NTAQ1: variants seen among roughly 807,000 people sequenced by gnomAD.
The protein encoded by NTAQ1 is protein N-terminal glutamine amidohydrolase.
NTAQ1 carries 21 observed loss-of-function variants against 28.2 expected under a neutral mutation model. The observed-to-expected ratio is 0.74, with a 90% CI of 0.53 to 1.07. The LOEUF (loss-of-function observed/expected upper bound fraction) is 1.07. Among genes scored for constraint, NTAQ1 ranks in the 50% least tolerant of loss-of-function variants. The pLI is 0.00. For synonymous variants in NTAQ1, 105 were observed against 90.0 expected, an observed-to-expected ratio of 1.17 and a Z score of -0.94; for missense variants, 264 against 256.6, an observed-to-expected ratio of 1.03 and a Z score of -0.20.
At chr8:123,464,917 A>G (rs1815925483) in intron 6 of NTAQ1, among the ~76,000 whole-genome samples, 1 of 152,176 alleles carries the variant, frequency 6.6e-6, no homozygotes, top group African/African-American at 2.4e-5. Context: ...ATGCGCCTGT[A>G]ATCCTAGCTA....
At chr8:123,440,963 C>T (rs13265652) in intron 5 of NTAQ1, among the ~76,000 whole-genome samples, 55,131 of 151,986 alleles carry the variant, frequency 0.36, 10,123 homozygotes, top group East Asian at 0.56. Context: ...TTAGACCCAC[C>T]GCTTCTTGGT....
downstream of NTAQ1, among the ~76,000 whole-genome samples, chr8:123,472,791 CTTTTTCTGTGG>C: frequency 6.6e-6 from 1 of 152,174 alleles, no homozygotes; most frequent in Non-Finnish European, 1.5e-5. Context: ...TACTAAAACT[CTTTTTCTGTGG>C]AAGAGAAAGA....
chr8:123,424,704 C>G (rs938327956), intron 1 of NTAQ1, among the ~76,000 whole-genome samples: 4 of 152,140 alleles, frequency 2.6e-5, no homozygotes, highest in African/African-American at 9.7e-5. Flanking sequence ...CTCGCCTGGC[C>G]CCTTTGTATT....
At chr8:123,451,389 G>T (rs1357443768), downstream of NTAQ1, among the ~76,000 whole-genome samples, 1 of 151,872 alleles carries the variant, frequency 6.6e-6, no homozygotes, top group Non-Finnish European at 1.5e-5. Flanking sequence ...CCCAGGCTGG[G>T]GTGCAGTGGC....
At chr8:123,432,416 G>C (rs930419260) in intron 3 of NTAQ1, among the ~76,000 whole-genome samples, 1 of 152,042 alleles carries the variant, frequency 6.6e-6, no homozygotes, top group Non-Finnish European at 1.5e-5. Context: ...GAGGCAGGCA[G>C]ATCCCATGAG....
At chr8:123,453,835 A>G (rs980210190) in intron 6 of NTAQ1, among the ~76,000 whole-genome samples, 11 of 152,212 alleles carry the variant, frequency 7.2e-5, no homozygotes, top group African/African-American at 1.9e-4. Context: ...ACGTAGGCAC[A>G]GTAAAGTAAA....
downstream of NTAQ1, among the ~76,000 whole-genome samples, chr8:123,446,057 G>A (rs12545841): frequency 0.3 from 45,983 of 151,326 alleles, 7,435 homozygotes; most frequent in South Asian, 0.45. Flanking sequence ...GCAATGGCAC[G>A]ATCTCAGCTC....
At chr8:123,419,373 A>G (rs1813526661) in intron 1 of NTAQ1, among the ~76,000 whole-genome samples, 1 of 152,096 alleles carries the variant, frequency 6.6e-6, no homozygotes, top group Non-Finnish European at 1.5e-5. Flanking sequence ...TTCTGGGATT[A>G]CAGGTGTGAG....
At position 123,436,422 on chromosome 8, in the gene NTAQ1, C is replaced by G. The variant is rs769027683; in HGVS notation, c.235-31C>G. 4 of 1,606,474 alleles carry G rather than the reference C, an allele frequency of 2.5e-6. No individual in the cohort carries two copies. The East Asian group carries it at 8.9e-5, about 36-fold the overall frequency. On this transcript the variant is annotated intron_variant, in intron 3 of 5. Coordinates refer to ENST00000287387, the MANE Select transcript of NTAQ1 (RefSeq NM_018024.3). ...CTGGGATTTCATCATTATGAAGTAACTTGGTTAACTTCAGCAACTTTTACT... is the reference window on the plus strand; with the variant it reads ...CTGGGATTTCATCATTATGAAGTAAGTTGGTTAACTTCAGCAACTTTTACT...
intron 4 of NTAQ1, 72 bp from the exon 5 acceptor site, chr8:123,437,138 C>G (rs1248133910): frequency 6.3e-7 from 1 of 1,577,170 alleles, no homozygotes; most frequent in Non-Finnish European, 8.6e-7. Flanking sequence ...GGAAATGAGT[C>G]GATATAAAAA....
chr8:123,440,447 C>CG (rs1814988954), intron 5 of NTAQ1, among the ~76,000 whole-genome samples: 2 of 150,508 alleles, frequency 1.3e-5, no homozygotes, highest in South Asian at 4.2e-4. Context: ...TGAGCCACCA[C>CG]GCCTGGCTGC....
chr8:123,474,077 G>A (rs76451934), downstream of NTAQ1, among the ~76,000 whole-genome samples: 2,083 of 152,070 alleles, frequency 0.014, 54 homozygotes, highest in African/African-American at 0.048. Context: ...CATATATTTC[G>A]TCACCCAGCT....
At chr8:123,462,772 C>T (rs1456152145) in intron 6 of NTAQ1, among the ~76,000 whole-genome samples, 5 of 152,204 alleles carry the variant, frequency 3.3e-5, no homozygotes, top group Non-Finnish European at 5.9e-5. Flanking sequence ...GTACCCTTCT[C>T]TTCACTCCTT....
chr8:123,440,885 C>T (rs1408332477), intron 5 of NTAQ1, among the ~76,000 whole-genome samples: 1 of 152,148 alleles, frequency 6.6e-6, no homozygotes, highest in Non-Finnish European at 1.5e-5. Flanking sequence ...CTGCATGTTA[C>T]GAGTTCTCTC....
intron 6 of NTAQ1, among the ~76,000 whole-genome samples, chr8:123,459,757 G>C (rs1277501342): frequency 6.6e-6 from 1 of 151,232 alleles, no homozygotes; most frequent in Non-Finnish European, 1.5e-5. Context: ...GGTTTTCGAA[G>C]CTCTGTGCCA....
rs142035420 is a variant in NTAQ1 at position 123,430,005 on chromosome 8, C to T, written c.206C>T (p.Ala69Val). The change falls in exon 3 of 6, where the codon GCG (alanine) becomes GTG (valine). Residue 69 changes from alanine to valine, a missense_variant. Coordinates refer to ENST00000287387, the MANE Select transcript of NTAQ1 (RefSeq NM_018024.3). ...TAGATACCTATCTGGAAACAACAGG[C>T]GAGACCTGGAGATGGACCTGTGATC... ...RKMIPIWKQQARPGDGPVIWD... is the reference protein window; with the variant it reads ...RKMIPIWKQQVRPGDGPVIWD... 6.1e-5 allele frequency: 98 copies of T among 1,612,276 alleles called. No homozygotes were observed. The East Asian group carries it at 1.8e-3, about 30-fold the overall frequency.
At chr8:123,433,305 T>G (rs1456322673) in intron 3 of NTAQ1, among the ~76,000 whole-genome samples, 1 of 152,208 alleles carries the variant, frequency 6.6e-6, no homozygotes, top group African/African-American at 2.4e-5. Context: ...TATGTATGCC[T>G]TTTCACAAGT....
At chr8:123,440,350 T>A (rs914273474) in intron 5 of NTAQ1, among the ~76,000 whole-genome samples, 5 of 151,568 alleles carry the variant, frequency 3.3e-5, no homozygotes, top group Non-Finnish European at 5.9e-5. Flanking sequence ...GAGACGGGGT[T>A]TCACCACGTT....
In NTAQ1 at chr8:123,439,280, G is replaced by A. The variant is rs528376005; in HGVS notation, c.508+1946G>A. ...TGCAACCTCCATCTCCTGAGTTCAA[G>A]CAATTTTCATGCCTCAGCCTCTGGA... is the stretch of plus-strand genomic sequence containing the variant. On this transcript the variant is annotated intron_variant, in intron 5 of 5. Transcript: ENST00000287387. 4.6e-5 allele frequency among the ~76,000 whole-genome samples: 7 copies of A among 151,686 alleles called. 1 individual carries two copies. In the South Asian group the frequency reaches 1.5e-3, roughly 32 times the overall value.
Sources: allele counts gnomAD v4.1 joint callset (sites outside exome capture counted in the v4.1 genomes callset), GRCh38; gene constraint gnomAD v4.1.1; transcripts MANE v1.5; gene names NCBI Gene and HGNC (gene_info 2026-07-23, HGNC 2026-07-21).